The following KCTD5 variants were observed in gnomAD, a reference collection of about 807,000 sequenced individuals.
KCTD5 encodes potassium channel tetramerization domain containing 5.
A neutral mutation model predicts 27.9 loss-of-function variants in KCTD5; 12 were observed. The ratio of observed to expected loss-of-function variants is 0.43; its 90% confidence interval spans 0.28 to 0.70. KCTD5 has a LOEUF of 0.70. Ranked by LOEUF, KCTD5 falls within the 30% of genes least tolerant of loss-of-function variation. KCTD5 has a pLI of 0.19. For missense variants in KCTD5, 226 were observed against 274.8 expected (o/e 0.82, Z 1.26); for synonymous variants, 147 against 121.4 (o/e 1.21, Z -1.39).
At chr16:2,692,546 C>G (rs574265137) in intron 1 of KCTD5, among the ~76,000 whole-genome samples, 124 of 152,318 alleles carry the variant, frequency 8.1e-4, no homozygotes, top group Admixed American at 1.3e-3. Flanking sequence ...GTCCTCTGCC[C>G]TGCTCTGGCT....
chr16:2,690,412 C>T (rs1364811202), intron 1 of KCTD5, among the ~76,000 whole-genome samples: 2 of 152,224 alleles, frequency 1.3e-5, no homozygotes, highest in Non-Finnish European at 2.9e-5. Context: ...GCCTGCTGGG[C>T]CCACTCAATG....
At chr16:2,687,079 G>A (rs1331570730) in intron 1 of KCTD5, among the ~76,000 whole-genome samples, 1 of 152,184 alleles carries the variant, frequency 6.6e-6, no homozygotes, top group Non-Finnish European at 1.5e-5. Context: ...CTGCGGTGCT[G>A]GGGGCTCCCC....
At chr16:2,698,460 A>G (rs186708426) in intron 3 of KCTD5, among the ~76,000 whole-genome samples, 1 of 152,292 alleles carries the variant, frequency 6.6e-6, no homozygotes, top group Non-Finnish European at 1.5e-5. Flanking sequence ...CGCCACAGAC[A>G]CACCTCTCAC....
intron 5 of KCTD5, among the ~76,000 whole-genome samples, chr16:2,704,246 C>T (rs772990935): frequency 2.2e-4 from 33 of 152,316 alleles, no homozygotes; most frequent in Admixed American, 5.2e-4. Context: ...CTCAGGAGGC[C>T]GTGGGGGATT....
chr16:2,704,685 T>C (rs2067627236), intron 5 of KCTD5, among the ~76,000 whole-genome samples: 1 of 152,144 alleles, frequency 6.6e-6, no homozygotes. Flanking sequence ...TGGGGCTCCA[T>C]TGCGTAGCCA....
At chr16:2,704,088 C>T (rs1239090311) in intron 5 of KCTD5, among the ~76,000 whole-genome samples, 1 of 152,206 alleles carries the variant, frequency 6.6e-6, no homozygotes, top group African/African-American at 2.4e-5. Context: ...TGAGGAAGCT[C>T]CAGGCATGAC....
In KCTD5 at chr16:2,701,673, G is replaced by T. The variant is rs551474351; in HGVS notation, c.550-680G>T. Among the ~76,000 whole-genome samples, 4 of 152,370 alleles carry T rather than the reference G, an allele frequency of 2.6e-5. No individual in the cohort carries two copies. In the South Asian group the frequency reaches 8.3e-4, roughly 32 times the overall value. ...GAGGCCAAAGTGTGAGCCTCGTCCA[G>T]CTGCTTTTTGGCTTGGTCATCTGCT... On this transcript the variant is annotated intron_variant, in intron 4 of 5. Transcript: ENST00000301738.
chr16:2,706,069 G>A (rs1017722001), intron 5 of KCTD5, among the ~76,000 whole-genome samples: 3 of 152,210 alleles, frequency 2.0e-5, no homozygotes, highest in Admixed American at 6.5e-5. Context: ...AGGGAGGGAC[G>A]TGCTGCCCCT....
At chr16:2,699,690 G>A in intron 3 of KCTD5, 131 bp from the exon 4 acceptor site, 1 of 726,268 alleles carries the variant, frequency 1.4e-6, no homozygotes, top group Non-Finnish European at 2.4e-6. Context: ...GCTCAGGATT[G>A]CTTTGGGCCT....
At chr16:2,691,832 C>T (rs1307990406) in intron 1 of KCTD5, among the ~76,000 whole-genome samples, 1 of 152,244 alleles carries the variant, frequency 6.6e-6, no homozygotes, top group Non-Finnish European at 1.5e-5. Context: ...ACTGGATGCA[C>T]GTGGGGTCCC....
chr16:2,687,249 A>G (rs1294031137), intron 1 of KCTD5, among the ~76,000 whole-genome samples: 1 of 152,146 alleles, frequency 6.6e-6, no homozygotes, highest in Non-Finnish European at 1.5e-5. Flanking sequence ...AACGTTTCTG[A>G]TGGGTTCAGT....
intron 2 of KCTD5, among the ~76,000 whole-genome samples, chr16:2,696,676 G>A (rs868081705): frequency 3.9e-5 from 6 of 152,132 alleles, no homozygotes; most frequent in African/African-American, 1.4e-4. Context: ...CTGCTCCCCC[G>A]GGTCCGTGTC....
At chr16:2,697,861 GT>G in intron 2 of KCTD5, 44 bp from the exon 3 acceptor site, 1 of 1,393,132 alleles carries the variant, frequency 7.2e-7, no homozygotes, top group Non-Finnish European at 1.0e-6. Flanking sequence ...GGATTCTTTG[GT>G]TTAGTTTGGT....
intron 4 of KCTD5, 56 bp from the exon 5 acceptor site, chr16:2,702,297 C>T: frequency 6.2e-7 from 1 of 1,607,520 alleles, no homozygotes; most frequent in Non-Finnish European, 8.5e-7. Flanking sequence ...TCATGTCAGC[C>T]TGGCTGGGTC....
intron 1 of KCTD5, among the ~76,000 whole-genome samples, chr16:2,687,184 A>G (rs2067543394): frequency 6.6e-6 from 1 of 152,232 alleles, no homozygotes; most frequent in Non-Finnish European, 1.5e-5. Context: ...ACCTTAGGCC[A>G]CGAGTCAGTT....
At chr16:2,691,970 C>T (rs139873400) in intron 1 of KCTD5, among the ~76,000 whole-genome samples, 2 of 152,198 alleles carry the variant, frequency 1.3e-5, no homozygotes, top group Non-Finnish European at 2.9e-5. Context: ...GTTCCTGGGG[C>T]GTGCGGTTCC....
intron 5 of KCTD5, among the ~76,000 whole-genome samples, chr16:2,705,151 A>AG (rs1187399934): frequency 6.6e-6 from 1 of 152,208 alleles, no homozygotes; most frequent in Non-Finnish European, 1.5e-5. Flanking sequence ...GACGAGGACC[A>AG]GGGGCACCCA....
chr16:2,701,471 T>G (rs939907492), intron 4 of KCTD5, among the ~76,000 whole-genome samples: 19 of 152,262 alleles, frequency 1.2e-4, no homozygotes, highest in South Asian at 6.2e-4. Flanking sequence ...CCGGGGGGCA[T>G]GGCCGTGAGT....
intron 3 of KCTD5, among the ~76,000 whole-genome samples, chr16:2,698,731 T>A (rs2067597830): frequency 6.6e-6 from 1 of 152,182 alleles, no homozygotes; most frequent in East Asian, 1.9e-4. Flanking sequence ...GCCTGGCCGC[T>A]CAGGGCCGCT....
Sources: gnomAD v4.1 joint callset for allele counts (sites outside exome capture counted in the v4.1 genomes callset) on GRCh38, gnomAD v4.1.1 for gene constraint, MANE v1.5 for transcripts, NCBI Gene and HGNC (gene_info 2026-07-23, HGNC 2026-07-21) for gene names.